The following CORO2B variants were observed in gnomAD, a reference collection of about 807,000 sequenced individuals.
The protein encoded by CORO2B is coronin 2B.
Under a neutral mutation model 58.8 loss-of-function variants are expected in CORO2B, and 26 were observed. The ratio of observed to expected loss-of-function variants is 0.44; its 90% CI spans 0.32 to 0.61. The LOEUF (loss-of-function observed/expected upper bound fraction) is 0.61. Among genes scored for constraint, CORO2B ranks in the 20% least tolerant of loss-of-function variants. The pLI is 0.04. For synonymous variants in CORO2B, 242 were observed against 253.8 expected, an observed-to-expected ratio of 0.95 and a Z score of 0.44; for missense variants, 460 against 645.1, an observed-to-expected ratio of 0.71 and a Z score of 3.11.
upstream of CORO2B, among the ~76,000 whole-genome samples, chr15:68,578,193 G>A (rs530183204): frequency 5.9e-5 from 9 of 152,234 alleles, no homozygotes; most frequent in South Asian, 1.9e-3. The surrounding 1 kb of genome is among the most constrained non-coding windows in gnomAD (Gnocchi z 4.2). Flanking sequence ...CACACAGGAC[G>A]CACCTGTGTT....
At chr15:68,567,719 G>A in the CORO2B span, among the ~76,000 whole-genome samples, 12 of 152,210 alleles carry the variant, frequency 7.9e-5, no homozygotes, top group Non-Finnish European at 1.5e-4. Context: ...TCAAAGTCCT[G>A]TAGAAATGTT....
chr15:68,521,819 G>A, the CORO2B span, among the ~76,000 whole-genome samples: 1 of 149,164 alleles, frequency 6.7e-6, no homozygotes, highest in East Asian at 2.0e-4. Flanking sequence ...GTGGCTCACT[G>A]CAGCCTCGAC....
chr15:68,633,068 T>C (rs986936916), intron 1 of CORO2B, among the ~76,000 whole-genome samples: 16 of 152,358 alleles, frequency 1.1e-4, no homozygotes, highest in African/African-American at 3.8e-4. Context: ...AGTGGTGCAA[T>C]GTAGCCCACA....
At chr15:68,713,060 T>C (rs537825309) in intron 5 of CORO2B, among the ~76,000 whole-genome samples, 1 of 152,202 alleles carries the variant, frequency 6.6e-6, no homozygotes, top group African/African-American at 2.4e-5. Flanking sequence ...CCAACTTACC[T>C]GATGCCGAGG....
the CORO2B span, among the ~76,000 whole-genome samples, chr15:68,525,899 T>C: frequency 1.3e-5 from 2 of 152,248 alleles, no homozygotes; most frequent in Non-Finnish European, 2.9e-5. Flanking sequence ...AGTTTGCATA[T>C]GTTGTGTCCC....
At chr15:68,696,741 C>T (rs1892521916) in intron 3 of CORO2B, among the ~76,000 whole-genome samples, 1 of 152,106 alleles carries the variant, frequency 6.6e-6, no homozygotes, top group Non-Finnish European at 1.5e-5. Context: ...AGTACACCAG[C>T]TTGGAAGAAA....
the CORO2B span, chr15:68,559,553 C>G: frequency 9.3e-4 from 913 of 984,338 alleles, 4 homozygotes; most frequent in African/African-American, 0.015. This position sits in a 1 kb window ranked among gnomAD's most constrained non-coding sequence, Gnocchi z 4.3. Context: ...CCGTGCCAAG[C>G]CGGCCCGCTG....
intron 2 of CORO2B, among the ~76,000 whole-genome samples, chr15:68,674,116 G>A (rs1344915975): frequency 1.3e-5 from 2 of 152,148 alleles, no homozygotes; most frequent in South Asian, 2.1e-4. Context: ...GGTCCTGGTC[G>A]GCTCAGTTCC....
At chr15:68,530,922 T>A in the CORO2B span, among the ~76,000 whole-genome samples, 2 of 152,230 alleles carry the variant, frequency 1.3e-5, no homozygotes, top group African/African-American at 4.8e-5. Context: ...CATTTACAGT[T>A]AATGTAATTT....
rs1245335054 is a variant in CORO2B at position 68,725,823 on chromosome 15, C to T, written c.1312-20C>T. The stretch of plus-strand genomic sequence containing the variant: ...CTCTCTCCTGGGCCCTCCTTGGCCC[C>T]CTCTCTTCCTCCACCCCAGCTCCTT... On this transcript the variant is annotated intron_variant, in intron 11 of 11. Coordinates refer to ENST00000261861, the MANE Select transcript of CORO2B (RefSeq NM_006091.5). 1.9e-6 allele frequency: 3 copies of T among 1,612,916 alleles called. No homozygotes were observed. The highest frequency in any genetic ancestry group is 2.2e-5 in the South Asian group (2 of 91,086).
rs1382293359 is a variant in CORO2B at position 68,579,241 on chromosome 15, C to T, written c.-22C>T. ...CCCCCGCACGCCGCGCCCGCGCCCC[C>T]GCTCCGCCGCGGAGTTTCTGCATGA... is the stretch of plus-strand genomic sequence containing the variant. On this transcript the variant is annotated 5_prime_UTR_variant, in exon 1 of 12. Transcript: ENST00000261861. The T allele has an allele frequency of 5.9e-5, 69 of 1,173,320 alleles. No individual in the cohort carries two copies. The highest frequency in any genetic ancestry group is 6.8e-5 in the Non-Finnish European group (65 of 948,990). The allele number at this position is 1,173,320 out of a possible 1,614,324, so 72.7% of individuals were successfully genotyped here. A position where few individuals can be genotyped will look rare whatever the true frequency, so the allele number is the denominator to read the frequency against.
At chr15:68,689,365 C>G (rs934899914) in intron 2 of CORO2B, among the ~76,000 whole-genome samples, 1 of 151,686 alleles carries the variant, frequency 6.6e-6, no homozygotes, top group Non-Finnish European at 1.5e-5. Context: ...GTGAGCCGAC[C>G]ATCTGAACAG....
intron 4 of CORO2B, among the ~76,000 whole-genome samples, chr15:68,711,197 G>A (rs1010289601): frequency 6.6e-6 from 1 of 152,076 alleles, no homozygotes; most frequent in African/African-American, 2.4e-5. Context: ...GGTAACCAAA[G>A]CTGCTGGAGG....
At chr15:68,709,876 A>G (rs1329416415) in intron 3 of CORO2B, among the ~76,000 whole-genome samples, 2 of 146,026 alleles carry the variant, frequency 1.4e-5, no homozygotes, top group Admixed American at 6.9e-5. Context: ...CAGGGCAGGG[A>G]TGTTCCCCCC....
At chr15:68,701,571 C>T (rs1251529981) in intron 3 of CORO2B, among the ~76,000 whole-genome samples, 2 of 147,528 alleles carry the variant, frequency 1.4e-5, no homozygotes, top group African/African-American at 2.5e-5. Context: ...CTGCAAGCTC[C>T]GCCTCCCGGG....
rs193159447 is a variant in CORO2B at position 68,700,235 on chromosome 15, G to A, written c.333+4979G>A. Among the ~76,000 whole-genome samples, 24 of 152,308 alleles carry A rather than the reference G, an allele frequency of 1.6e-4. No homozygotes were observed. The South Asian group carries it at 2.9e-3, about 18-fold the overall frequency. The stretch of plus-strand genomic sequence containing the variant: ...GTCAGTCGGCAAAGCTGCTGTGTGT[G>A]CCAGGCACTGTGCTACATACAGGGC... On this transcript the variant is annotated intron_variant, in intron 3 of 11. Transcript: ENST00000261861.
intron 1 of CORO2B, among the ~76,000 whole-genome samples, chr15:68,608,540 G>C (rs1454906589): frequency 1.3e-5 from 2 of 152,254 alleles, no homozygotes; most frequent in East Asian, 3.8e-4. Context: ...GCGTGTGTGT[G>C]TGTTGGGGGA....
the CORO2B span, among the ~76,000 whole-genome samples, chr15:68,525,170 A>G: frequency 6.6e-6 from 1 of 152,236 alleles, no homozygotes; most frequent in Non-Finnish European, 1.5e-5. Flanking sequence ...AAGCAAACTG[A>G]CATCATATAA....
chr15:68,590,906 C>G (rs1031363094), intron 1 of CORO2B, among the ~76,000 whole-genome samples: 5 of 152,148 alleles, frequency 3.3e-5, no homozygotes, highest in Non-Finnish European at 7.3e-5. Flanking sequence ...CCCTGTTCTC[C>G]TATGCAGGGC....
Sources: allele counts gnomAD v4.1 joint callset (sites outside exome capture counted in the v4.1 genomes callset), GRCh38; gene constraint gnomAD v4.1.1; non-coding constraint Gnocchi (gnomAD v3.1); transcripts MANE v1.5; gene names NCBI Gene and HGNC (gene_info 2026-07-23, HGNC 2026-07-21).